The following RARB variants were observed in gnomAD, a reference collection of about 807,000 sequenced individuals.
The protein encoded by RARB is HBV-activated protein.
In RARB, 17 loss-of-function variants were observed where a neutral mutation model predicts 51.9. The observed-to-expected ratio is 0.33, with a 90% CI of 0.22 to 0.49. The LOEUF is 0.49. RARB is among the 20% of genes least tolerant of loss of function. The pLI is 0.99. For missense variants in RARB, 369 were observed against 550.8 expected (o/e 0.67, Z 3.30); for synonymous variants, 215 against 195.4 (o/e 1.10, Z -0.84).
At chr3:25,159,805 G>A (rs914823328) in intron 4 of RARB, among the ~76,000 whole-genome samples, 7 of 152,174 alleles carry the variant, frequency 4.6e-5, no homozygotes, top group African/African-American at 1.7e-4. Context: ...TTCCTAATGT[G>A]AGGAGGCCAA....
chr3:25,564,578 C>G (rs898965305), intron 3 of RARB, among the ~76,000 whole-genome samples: 1 of 152,192 alleles, frequency 6.6e-6, no homozygotes, highest in African/African-American at 2.4e-5. Context: ...CATATAGGCC[C>G]TGACAGTGGA....
intron 3 of RARB, among the ~76,000 whole-genome samples, chr3:25,506,535 G>C (rs1697610011): frequency 6.6e-6 from 1 of 152,024 alleles, no homozygotes; most frequent in Admixed American, 6.6e-5. Flanking sequence ...AGGATCACTT[G>C]AGCCTGGGAG....
chr3:24,901,672 A>C (rs993415340), intron 2 of RARB, among the ~76,000 whole-genome samples: 1 of 152,234 alleles, frequency 6.6e-6, no homozygotes, highest in African/African-American at 2.4e-5. Context: ...ATACCAGTCT[A>C]GCATGTCCAT....
chr3:25,477,878 G>C (rs1029383784), intron 2 of RARB, among the ~76,000 whole-genome samples: 1 of 152,166 alleles, frequency 6.6e-6, no homozygotes, highest in Non-Finnish European at 1.5e-5. Context: ...GCTATCTGGG[G>C]CCCAGCTGAT....
intron 5 of RARB, among the ~76,000 whole-genome samples, chr3:25,227,469 T>C (rs183158625): frequency 1.3e-5 from 2 of 152,286 alleles, no homozygotes; most frequent in Admixed American, 6.5e-5. Flanking sequence ...ATATTACATA[T>C]ATATTTCCAC....
At chr3:24,979,449 A>G (rs979084502) in intron 2 of RARB, among the ~76,000 whole-genome samples, 1 of 152,280 alleles carries the variant, frequency 6.6e-6, no homozygotes, top group African/African-American at 2.4e-5. Flanking sequence ...TATTTAGGAT[A>G]GTTAGCTCTT....
intron 4 of RARB, among the ~76,000 whole-genome samples, chr3:25,153,976 G>T (rs569729335): frequency 6.6e-6 from 1 of 152,272 alleles, no homozygotes; most frequent in Admixed American, 6.5e-5. Context: ...CTCTAAAGAG[G>T]TACATGAAGA....
At chr3:25,277,902 T>C (rs1031364517) in intron 5 of RARB, among the ~76,000 whole-genome samples, 2 of 152,182 alleles carry the variant, frequency 1.3e-5, no homozygotes, top group Non-Finnish European at 2.9e-5. Context: ...CCCATAAACA[T>C]GACAACTCCT....
At chr3:25,121,507 C>G (rs531554122) in intron 3 of RARB, among the ~76,000 whole-genome samples, 4 of 152,142 alleles carry the variant, frequency 2.6e-5, no homozygotes, top group South Asian at 4.1e-4. Context: ...GAAAAATATC[C>G]CACACCAGTC....
intron 3 of RARB, among the ~76,000 whole-genome samples, chr3:25,124,399 C>G (rs188328938): frequency 1.3e-5 from 2 of 152,080 alleles, no homozygotes; most frequent in Admixed American, 1.3e-4. Context: ...GGATACAGCC[C>G]TTTCTTTATT....
intron 2 of RARB, among the ~76,000 whole-genome samples, chr3:24,992,641 A>C (rs1004044053): frequency 1.3e-5 from 2 of 152,196 alleles, no homozygotes; most frequent in Non-Finnish European, 2.9e-5. Context: ...AAAATCCAGC[A>C]GGAATGGTTT....
At position 25,285,178 on chromosome 3, in the gene RARB, G is replaced by A. The variant is rs886424815; in HGVS notation, c.178+110603G>A. Among the ~76,000 whole-genome samples the A allele has an allele frequency of 6.6e-5, 10 of 152,306 alleles. No homozygotes were observed. In the South Asian group the frequency reaches 1.0e-3, roughly 16 times the overall value. On this transcript the variant is annotated intron_variant, in intron 5 of 11. Transcript: ENST00000383772. ...AATTAAAACCTGAGATGAGTTTTCTGAAGTAAAGAAATTGTCCTAGCAAAG... is the reference window on the plus strand; with the variant it reads ...AATTAAAACCTGAGATGAGTTTTCTAAAGTAAAGAAATTGTCCTAGCAAAG...
At chr3:24,909,170 G>A (rs1366595765) in intron 2 of RARB, among the ~76,000 whole-genome samples, 2 of 152,106 alleles carry the variant, frequency 1.3e-5, no homozygotes, top group African/African-American at 4.8e-5. Flanking sequence ...GTAGATGAGG[G>A]CCCAAGTCAG....
intron 1 of RARB, among the ~76,000 whole-genome samples, chr3:25,443,622 TAAA>T (rs11294103): frequency 2.1e-4 from 31 of 145,646 alleles, no homozygotes; most frequent in African/African-American, 7.6e-4. Flanking sequence ...AAAATATATA[TAAA>T]AAAAAAAAAA....
intron 4 of RARB, 64 bp from the exon 5 acceptor site, chr3:25,580,482 A>G: frequency 7.2e-7 from 1 of 1,395,522 alleles, no homozygotes; most frequent in Middle Eastern, 2.0e-4. Flanking sequence ...AAACACATTG[A>G]ATTTCTCCCC....
intron 4 of RARB, among the ~76,000 whole-genome samples, chr3:25,163,507 ATATATATATATATATATATAT>A (rs1559488369): frequency 2.8e-4 from 4 of 14,266 alleles, no homozygotes; most frequent in African/African-American, 8.3e-4. Flanking sequence ...ATCTCAAAAT[ATATATATATATATATATATAT>A]ATATATATAT....
At chr3:24,862,465 T>C (rs1159317126) in intron 2 of RARB, among the ~76,000 whole-genome samples, 1 of 152,168 alleles carries the variant, frequency 6.6e-6, no homozygotes, top group Non-Finnish European at 1.5e-5. Context: ...TCTGAAAATA[T>C]AAGATTGGAA....
chr3:24,880,565 A>ATGG (rs1703139733), intron 2 of RARB, among the ~76,000 whole-genome samples: 1 of 152,156 alleles, frequency 6.6e-6, no homozygotes, highest in Non-Finnish European at 1.5e-5. Context: ...AAGTAGACCC[A>ATGG]TGGTTCTCAA....
intron 2 of RARB, among the ~76,000 whole-genome samples, chr3:24,905,135 T>C (rs1694831230): frequency 6.6e-6 from 1 of 152,020 alleles, no homozygotes; most frequent in Non-Finnish European, 1.5e-5. Flanking sequence ...TAAAGTATAA[T>C]AAAAATAAAA....
Sources: allele counts gnomAD v4.1 joint callset (sites outside exome capture counted in the v4.1 genomes callset), GRCh38; gene constraint gnomAD v4.1.1; transcripts MANE v1.5; gene names NCBI Gene and HGNC (gene_info 2026-07-23, HGNC 2026-07-21).